The following ATF6 variants were observed in gnomAD, a reference collection of about 807,000 sequenced individuals.
ATF6 encodes the protein activating transcription factor 6.
Under a neutral mutation model 83.6 loss-of-function variants are expected in ATF6, and 53 were observed. That is an observed-to-expected ratio of 0.63 (90% CI 0.51 to 0.80). The LOEUF (loss-of-function observed/expected upper bound fraction) is 0.80, where lower values mean the gene tolerates loss of function less well. Among genes scored for constraint, ATF6 ranks in the 30% least tolerant of loss-of-function variants. ATF6 has a pLI of 0.00. For synonymous variants in ATF6, 288 were observed against 285.8 expected, an observed-to-expected ratio of 1.01 and a Z score of -0.08; for missense variants, 744 against 797.9, an observed-to-expected ratio of 0.93 and a Z score of 0.81.
chr1:161,952,750 C>A (rs1440606873), intron 15 of ATF6, among the ~76,000 whole-genome samples: 1 of 152,128 alleles, frequency 6.6e-6, no homozygotes, highest in Non-Finnish European at 1.5e-5. Flanking sequence ...TCTGTACTGT[C>A]ACTGTGAATG....
At chr1:161,951,185 G>A (rs753321656) in intron 15 of ATF6, among the ~76,000 whole-genome samples, 3 of 152,190 alleles carry the variant, frequency 2.0e-5, no homozygotes, top group Non-Finnish European at 4.4e-5. Flanking sequence ...ATGTCATTGG[G>A]TCACCTTTCA....
At chr1:161,890,612 C>T (rs913929269) in intron 14 of ATF6, among the ~76,000 whole-genome samples, 13 of 152,180 alleles carry the variant, frequency 8.5e-5, no homozygotes, top group African/African-American at 3.1e-4. Flanking sequence ...GGTGGAAGGG[C>T]GGCTTCGGGA....
intron 15 of ATF6, among the ~76,000 whole-genome samples, chr1:161,946,460 G>A (rs925701080): frequency 6.6e-6 from 1 of 152,322 alleles, no homozygotes; most frequent in African/African-American, 2.4e-5. Flanking sequence ...TTCCATAAAA[G>A]AGCATGAGAA....
intron 15 of ATF6, among the ~76,000 whole-genome samples, chr1:161,941,133 C>G (rs1306508291): frequency 6.6e-6 from 1 of 152,218 alleles, no homozygotes; most frequent in Non-Finnish European, 1.5e-5. Context: ...AGCATCACCT[C>G]TGCCTTACAT....
chr1:161,891,661 A>T (rs777798646), intron 14 of ATF6: 1 of 152,248 alleles, frequency 6.6e-6, no homozygotes, highest in Admixed American at 6.5e-5. Context: ...CGGAGCACCA[A>T]CCGTGATAAC....
At chr1:161,773,220 A>G (rs1571116067) in intron 1 of ATF6, among the ~76,000 whole-genome samples, 1 of 147,252 alleles carries the variant, frequency 6.8e-6, no homozygotes, top group African/African-American at 2.5e-5. Context: ...TGCAAGCTCC[A>G]CCTCCCAGGT....
intron 14 of ATF6, among the ~76,000 whole-genome samples, chr1:161,897,619 A>C (rs1458535191): frequency 1.3e-5 from 2 of 152,198 alleles, no homozygotes; most frequent in South Asian, 2.1e-4. Flanking sequence ...GTCATTTCCC[A>C]AAAGAAGTTT....
At chr1:161,861,584 A>G (rs770855218) in intron 13 of ATF6, among the ~76,000 whole-genome samples, 10 of 152,312 alleles carry the variant, frequency 6.6e-5, no homozygotes, top group Non-Finnish European at 1.2e-4. Flanking sequence ...ATTAGTTAAA[A>G]TGTTTTAGTG....
intron 14 of ATF6, among the ~76,000 whole-genome samples, chr1:161,879,106 A>G (rs1415581509): frequency 6.6e-6 from 1 of 152,146 alleles, no homozygotes; most frequent in African/African-American, 2.4e-5. Flanking sequence ...GCAGGACATT[A>G]TGGTAGAGGC....
At chr1:161,783,884 T>C in intron 3 of ATF6, 106 bp from the exon 4 acceptor site, 1 of 790,172 alleles carries the variant, frequency 1.3e-6, no homozygotes, top group Non-Finnish European at 2.1e-6. Flanking sequence ...GACCTTAGCT[T>C]CCATATCTGA....
At chr1:161,856,924 G>GCTA (rs1686778556) in intron 12 of ATF6, among the ~76,000 whole-genome samples, 1 of 152,114 alleles carries the variant, frequency 6.6e-6, no homozygotes, top group South Asian at 2.1e-4. Context: ...TTCATTCTGT[G>GCTA]CTATTTTGGG....
chr1:161,911,884 C>T (rs1467915398), intron 14 of ATF6, among the ~76,000 whole-genome samples: 1 of 152,172 alleles, frequency 6.6e-6, no homozygotes, highest in Non-Finnish European at 1.5e-5. Context: ...GTGACATTAT[C>T]TAGTCTAGCC....
At chr1:161,938,059 C>A (rs373528462) in intron 15 of ATF6, among the ~76,000 whole-genome samples, 1 of 152,098 alleles carries the variant, frequency 6.6e-6, no homozygotes, top group Admixed American at 6.5e-5. Context: ...CATTTTCTAG[C>A]CTTCTACCCT....
chr1:161,933,265 C>T (rs1233174920), intron 15 of ATF6, among the ~76,000 whole-genome samples: 3 of 152,160 alleles, frequency 2.0e-5, no homozygotes, highest in Admixed American at 6.5e-5. Context: ...ACAGTTCCAT[C>T]CTGCAAACAA....
At chr1:161,903,003 T>C (rs1687817605) in intron 14 of ATF6, among the ~76,000 whole-genome samples, 1 of 152,304 alleles carries the variant, frequency 6.6e-6, no homozygotes, top group Admixed American at 6.5e-5. Flanking sequence ...CTACCTCTTT[T>C]CATCTTTCCA....
intron 4 of ATF6, among the ~76,000 whole-genome samples, chr1:161,787,713 C>T (rs753465508): frequency 1.1e-4 from 16 of 152,016 alleles, no homozygotes; most frequent in Non-Finnish European, 1.6e-4. Flanking sequence ...GTTTAGATCT[C>T]GGATCCATTT....
intron 7 of ATF6, among the ~76,000 whole-genome samples, chr1:161,816,991 C>CTTTA (rs1246288783): frequency 6.6e-6 from 1 of 152,096 alleles, no homozygotes; most frequent in Admixed American, 6.6e-5. Flanking sequence ...TTTTTACTGT[C>CTTTA]TTTATCCTCT....
chr1:161,786,564 T>TA (rs1373307677), intron 4 of ATF6, among the ~76,000 whole-genome samples: 1 of 152,210 alleles, frequency 6.6e-6, no homozygotes, highest in East Asian at 1.9e-4. Context: ...CTCATATTTT[T>TA]ACTCTTTTTT....
chr1:161,881,969 C>T (rs922862117), intron 14 of ATF6, among the ~76,000 whole-genome samples: 1 of 151,964 alleles, frequency 6.6e-6, no homozygotes, highest in African/African-American at 2.4e-5. Context: ...AGGTGTATAT[C>T]AAAGTTCATT....
Sources: gnomAD v4.1 joint callset for allele counts (sites outside exome capture counted in the v4.1 genomes callset) on GRCh38, gnomAD v4.1.1 for gene constraint, MANE v1.5 for transcripts, NCBI Gene and HGNC (gene_info 2026-07-23, HGNC 2026-07-21) for gene names.